The following TMEM163 variants were observed in gnomAD, a reference collection of about 807,000 sequenced individuals.
The protein encoded by TMEM163 is transmembrane protein 163.
TMEM163 carries 17 observed loss-of-function variants against 29.3 expected under a neutral mutation model. The observed-to-expected ratio is 0.58, with a 90% CI of 0.40 to 0.87. The LOEUF (loss-of-function observed/expected upper bound fraction) is 0.87, where lower values mean the gene tolerates loss of function less well. Among genes scored for constraint, TMEM163 ranks in the 40% least tolerant of loss-of-function variants. The probability of loss-of-function intolerance (pLI) is 0.00; values close to 1 mark genes in which losing one functional copy is unlikely to be tolerated. For missense variants in TMEM163, 303 were observed against 381.5 expected (o/e 0.79, Z 1.71); for synonymous variants, 157 against 160.6 (o/e 0.98, Z 0.17).
At chr2:134,535,636 C>G (rs1452606016) in intron 4 of TMEM163, among the ~76,000 whole-genome samples, 1 of 151,892 alleles carries the variant, frequency 6.6e-6, no homozygotes, top group Non-Finnish European at 1.5e-5. Context: ...GTATTGTACA[C>G]TTAATTTAAA....
intron 2 of TMEM163, among the ~76,000 whole-genome samples, chr2:134,708,762 T>C (rs1008852785): frequency 6.6e-6 from 1 of 151,938 alleles, no homozygotes. Flanking sequence ...AATTTGTGTA[T>C]ATTTTTTAGT....
At chr2:134,650,026 G>A (rs13388560) in intron 2 of TMEM163, among the ~76,000 whole-genome samples, 65,942 of 126,486 alleles carry the variant, frequency 0.52, 16,841 homozygotes, top group Non-Finnish European at 0.58. Context: ...AAAAAAAAAA[G>A]AATGATGTAG....
At chr2:134,592,875 G>GATAGATAGATAGATAGATAGATAA (rs1340531846) in intron 2 of TMEM163, among the ~76,000 whole-genome samples, 5 of 152,050 alleles carry the variant, frequency 3.3e-5, no homozygotes, top group Admixed American at 2.6e-4. Flanking sequence ...TATAGAGATA[G>GATAGATAGATAGATAGATAGATAA]ATAGATAGAT....
intron 2 of TMEM163, among the ~76,000 whole-genome samples, chr2:134,628,346 C>T (rs904510361): frequency 1.3e-5 from 2 of 152,236 alleles, no homozygotes; most frequent in African/African-American, 4.8e-5. Flanking sequence ...AAAGAAAGGC[C>T]TCCTTTCAAG....
chr2:134,718,631 C>T, intron 1 of TMEM163, 103 bp downstream of exon 1: 1 of 892,936 alleles, frequency 1.1e-6, no homozygotes, highest in Non-Finnish European at 1.4e-6. Context: ...CGCCCCCGCG[C>T]GCTCCGAGCC....
rs1553495681 is a variant in TMEM163, at chr2:134,700,941, A to AATACATAAATACATAAATAC, written c.322+12258_322+12259insGTATTTATGTATTTATGTAT. On this transcript the variant is annotated intron_variant, in intron 2 of 7. Transcript: ENST00000281924. ...AAATAAATAAATAAATAAATAAATA[A>AATACATAAATACATAAATAC]ATAAATAAAGTAAAAAATAAAAAGA... 7.9e-3 allele frequency among the ~76,000 whole-genome samples: 1,151 copies of AATACATAAATACATAAATAC among 146,398 alleles called. 20 individuals carry two copies. The highest frequency in any genetic ancestry group is 0.024 in the African/African-American group (946 of 39,426).
intron 4 of TMEM163, among the ~76,000 whole-genome samples, chr2:134,504,968 G>C (rs680001): frequency 0.4 from 60,567 of 152,026 alleles, 12,270 homozygotes; most frequent in South Asian, 0.59. Context: ...CCTCCTGTTT[G>C]GAAGACAGTT....
chr2:134,465,819 C>T (rs1686658811), intron 6 of TMEM163, among the ~76,000 whole-genome samples: 1 of 152,122 alleles, frequency 6.6e-6, no homozygotes, highest in Admixed American at 6.5e-5. Flanking sequence ...CCCAAGACTC[C>T]AGGAAGCCCT....
chr2:134,676,470 A>G (rs1684118374), intron 2 of TMEM163, among the ~76,000 whole-genome samples: 1 of 152,192 alleles, frequency 6.6e-6, no homozygotes, highest in Admixed American at 6.5e-5. Flanking sequence ...ATATATATAA[A>G]TATTCATATT....
chr2:134,490,246 G>A (rs969540602), intron 5 of TMEM163, among the ~76,000 whole-genome samples: 1 of 152,210 alleles, frequency 6.6e-6, no homozygotes, highest in Non-Finnish European at 1.5e-5. Flanking sequence ...AAACTCGATG[G>A]CTAGCAGGCA....
chr2:134,611,884 A>G (rs1447125911), intron 2 of TMEM163, among the ~76,000 whole-genome samples: 1 of 152,214 alleles, frequency 6.6e-6, no homozygotes. Flanking sequence ...CTTGCAGGAA[A>G]GTAACCAAAC....
At chr2:134,495,099 T>C (rs942245060) in intron 5 of TMEM163, among the ~76,000 whole-genome samples, 1 of 152,054 alleles carries the variant, frequency 6.6e-6, no homozygotes, top group Non-Finnish European at 1.5e-5. Flanking sequence ...CTTGGATGTG[T>C]CAAAAGGGAG....
At chr2:134,684,665 C>T (rs1684316649) in intron 2 of TMEM163, among the ~76,000 whole-genome samples, 2 of 152,054 alleles carry the variant, frequency 1.3e-5, no homozygotes, top group Admixed American at 1.3e-4. Context: ...GTGGCTCATG[C>T]CTGTAATACC....
chr2:134,483,396 A>T (rs1351224516), intron 5 of TMEM163, among the ~76,000 whole-genome samples: 1 of 152,130 alleles, frequency 6.6e-6, no homozygotes, highest in Admixed American at 6.5e-5. Context: ...TCAATGACAG[A>T]AGTAGGACCT....
At chr2:134,674,512 ACCATATCTG>A (rs1558987397) in intron 2 of TMEM163, among the ~76,000 whole-genome samples, 124 of 30,320 alleles carry the variant, frequency 4.1e-3, no homozygotes, top group African/African-American at 0.03. Flanking sequence ...CGCGCGCGCT[ACCATATCTG>A]GCTAATTTTT....
In TMEM163 at chr2:134,537,363, C is replaced by T. The variant is rs893867202; in HGVS notation, c.458+13207G>A. 7.2e-5 allele frequency among the ~76,000 whole-genome samples: 11 copies of T among 152,296 alleles called. No individual in the cohort carries two copies. The East Asian group carries it at 2.1e-3, about 29-fold the overall frequency. On this transcript the variant is annotated intron_variant, in intron 4 of 7. Coordinates refer to ENST00000281924, the MANE Select transcript of TMEM163 (RefSeq NM_030923.5). ...GGCTGAAGTTCTGAGATCAGGGTGC[C>T]AGCACGGTCAGATTCTGGTGAGGGC...
chr2:134,650,216 C>T (rs956344669), intron 2 of TMEM163, among the ~76,000 whole-genome samples: 1 of 151,812 alleles, frequency 6.6e-6, no homozygotes, highest in Non-Finnish European at 1.5e-5. Flanking sequence ...CATATTTCAA[C>T]TCATTAACAC....
At chr2:134,476,659 T>G (rs1686919458) in intron 5 of TMEM163, among the ~76,000 whole-genome samples, 2 of 152,190 alleles carry the variant, frequency 1.3e-5, no homozygotes. Context: ...CCACAGTCGT[T>G]GTAAAGATTA....
At chr2:134,539,236 A>C (rs1239285499) in intron 4 of TMEM163, among the ~76,000 whole-genome samples, 4 of 152,204 alleles carry the variant, frequency 2.6e-5, no homozygotes, top group Non-Finnish European at 5.9e-5. Context: ...CTACAGAAAG[A>C]TGCTGGTAAA....
Sources: gnomAD v4.1 joint callset for allele counts (sites outside exome capture counted in the v4.1 genomes callset) on GRCh38, gnomAD v4.1.1 for gene constraint, MANE v1.5 for transcripts, NCBI Gene and HGNC (gene_info 2026-07-23, HGNC 2026-07-21) for gene names.